MDN1: variants seen among roughly 807,000 people sequenced by gnomAD.
The protein encoded by MDN1 is midasin.
In MDN1, 266 loss-of-function variants were observed where a neutral mutation model predicts 669.2. That is an observed-to-expected ratio of 0.40 (90% CI 0.36 to 0.44). The LOEUF is 0.44. Ranked by LOEUF, MDN1 falls within the 20% of genes least tolerant of loss-of-function variation. The pLI, the probability that MDN1 is intolerant of heterozygous loss-of-function variation, is 1.00. For missense variants in MDN1, 5,940 were observed against 6,754.0 expected (o/e 0.88, Z 4.22); for synonymous variants, 2,385 against 2,457.1 (o/e 0.97, Z 0.87).
chr6:89,750,055 A>G (rs1306084606), intron 24 of MDN1, among the ~76,000 whole-genome samples: 2 of 152,132 alleles, frequency 1.3e-5, no homozygotes, highest in African/African-American at 2.4e-5. Flanking sequence ...ACTATTCCCA[A>G]CTTCCTTTTG....
intron 97 of MDN1, among the ~76,000 whole-genome samples, chr6:89,649,634 C>T (rs1808716418): frequency 6.6e-6 from 1 of 152,100 alleles, no homozygotes; most frequent in South Asian, 2.1e-4. Flanking sequence ...TAAGACTATG[C>T]AGTAATATCT....
chr6:89,670,701 T>C (rs1027067875), intron 83 of MDN1, among the ~76,000 whole-genome samples: 4 of 151,970 alleles, frequency 2.6e-5, no homozygotes, highest in Non-Finnish European at 4.4e-5. Flanking sequence ...AAAGGGTGGG[T>C]TGGGGATAGG....
chr6:89,816,953 C>T (rs1226760488), intron 1 of MDN1, among the ~76,000 whole-genome samples: 1 of 151,004 alleles, frequency 6.6e-6, no homozygotes, highest in African/African-American at 2.4e-5. Flanking sequence ...GGATTACAGG[C>T]GCGTGCCACT....
Position 89,668,012 on chromosome 6 carries a change from A to G in MDN1, c.14094+2T>C. On this transcript the variant is annotated splice_donor_variant, in intron 84 of 101. Transcript: ENST00000369393. LOFTEE classifies it high-confidence loss of function. ...CAACTGTATACCTATGTGAAAACGT[A>G]CCTGTTCTTCATTTCCGATCTGGTC... 1.2e-6 allele frequency: 2 copies of G among 1,614,044 alleles called. No individual in the cohort carries two copies. Among genetic ancestry groups the G allele is most frequent in the Non-Finnish European group, 8.5e-7 (1 of 1,179,964 alleles).
In MDN1 at chr6:89,745,726, C is replaced by T. The variant is rs184275674; in HGVS notation, c.3905-100G>A. 116 of 1,187,326 alleles carry T rather than the reference C, an allele frequency of 9.8e-5. 1 individual carries two copies. In the East Asian group the frequency reaches 2.3e-3, roughly 23 times the overall value. The allele number at this position is 1,187,326 out of a possible 1,614,324, so 73.5% of individuals were successfully genotyped here. On this transcript the variant is annotated intron_variant, in intron 27 of 101. Transcript: ENST00000369393. ...ATGAAACAATAGAAACTCTCATACG[C>T]GGCTGGTGAGGTAGAAATCTGAAGA...
chr6:89,762,272 GCCCAGCCCCATGCCCTCC>G, intron 16 of MDN1, 29 bp downstream of exon 16: 1 of 1,499,104 alleles, frequency 6.7e-7, no homozygotes, highest in Non-Finnish European at 9.2e-7. Context: ...GTTAACTAAA[GCCCAGCCCCATGCCCTCC>G]CCCATGGCAG....
At chr6:89,714,773 GA>G in intron 45 of MDN1, 22 bp from the exon 46 acceptor site, 1 of 1,591,464 alleles carries the variant, frequency 6.3e-7, no homozygotes, top group Non-Finnish European at 8.6e-7. Context: ...GCAATTCAAA[GA>G]AAAAAATGAT....
In MDN1 at chr6:89,768,360, C is replaced by G. The variant is rs372876838; in HGVS notation, c.2144+3201G>C. On this transcript the variant is annotated intron_variant, in intron 15 of 101. Transcript: ENST00000369393. ...TTAGATGGTTTTATAAAGGGGAGTT[C>G]CCTACACAAGCTCTCGACTGCCACC... Among the ~76,000 whole-genome samples, 10 of 152,270 alleles carry G rather than the reference C, an allele frequency of 6.6e-5. No homozygotes were observed. In the South Asian group the frequency reaches 1.2e-3, roughly 19 times the overall value.
chr6:89,730,133 G>C (rs565842606), intron 35 of MDN1, among the ~76,000 whole-genome samples: 1 of 152,084 alleles, frequency 6.6e-6, no homozygotes, highest in Admixed American at 6.5e-5. Flanking sequence ...TTAAATACTT[G>C]GTAGAGACAA....
Position 89,661,497 on chromosome 6 carries a change from C to T in MDN1, c.14647G>A (p.Asp4883Asn), listed in dbSNP as rs769329268. The change falls in exon 88 of 102, where the codon GAT becomes AAT. Residue 4883 changes from aspartate to asparagine, a missense_variant. Asp to Asn is a conservative substitution (Grantham distance 23). This residue lies in a region of MDN1 where 2,280 missense variants were observed against 2,576.3 expected (regional missense o/e 0.88). Transcript: ENST00000369393. ...VPEPEALDLP[D>N]DLNLDSEDKN... ...TCTTCACTGTCGAGGTTCAAGTCAT[C>T]TGGAAGGTCCAAAGCCTCGGGTTCT... 1 of 1,614,210 alleles carries T rather than the reference C, an allele frequency of 6.2e-7. No individual in the cohort carries two copies. Among genetic ancestry groups the T allele is most frequent in the Non-Finnish European group, 8.5e-7 (1 of 1,180,012 alleles).
At position 89,714,659 on chromosome 6, in the gene MDN1, G is replaced by C; in HGVS notation, c.6953C>G (p.Ala2318Gly). ...CAAATCCAGGTTGTCTGGGGTGCTTGCATCCCCTTCCCCTGAAATGTAGAT... is the reference window on the plus strand; with the variant it reads ...CAAATCCAGGTTGTCTGGGGTGCTTCCATCCCCTTCCCCTGAAATGTAGAT... The part of the protein sequence containing the change: ...LEIYISGEGD[A>G]STPDNLDLKV... The change falls in exon 46 of 102, where the codon GCA becomes GGA. Residue 2318 changes from alanine (A) to glycine (G), a missense_variant. Physicochemically the swap from Ala to Gly is moderately conservative, Grantham distance 60. Transcript: ENST00000369393. 1 of 1,614,008 alleles carries C rather than the reference G, an allele frequency of 6.2e-7. No individual in the cohort carries two copies. The highest frequency in any genetic ancestry group is 1.3e-5 in the African/African-American group (1 of 75,012).
Position 89,644,300 on chromosome 6 carries a change from T to C in MDN1, c.16603-107A>G, listed in dbSNP as rs1808337865. The C allele has an allele frequency of 4.6e-6, 4 of 869,486 alleles. No individual in the cohort carries two copies. The South Asian group carries it at 7.5e-5, about 16-fold the overall frequency. 53.9% of individuals were successfully genotyped at this position (869,486 alleles called of 1,614,324 possible). The stretch of plus-strand genomic sequence containing the variant: ...TAACTTTTACATCTCCTGTGTCTTA[T>C]TCCTGCATATGAACCTACCTTTTAT... On this transcript the variant is annotated intron_variant, in intron 101 of 101. Transcript: ENST00000369393.
intron 11 of MDN1, among the ~76,000 whole-genome samples, chr6:89,777,403 T>A (rs1294886267): frequency 6.6e-6 from 1 of 152,346 alleles, no homozygotes; most frequent in East Asian, 1.9e-4. Flanking sequence ...TCTTCACTCA[T>A]TCCTAGGCAT....
chr6:89,791,090 T>TG (rs2128326609), intron 5 of MDN1, among the ~76,000 whole-genome samples: 1 of 152,026 alleles, frequency 6.6e-6, no homozygotes, highest in East Asian at 1.9e-4. Context: ...CCATTTTTAT[T>TG]GGGGGTGAGG....
chr6:89,803,603 A>G, intron 1 of MDN1, 49 bp from the exon 2 acceptor site: 2 of 1,269,562 alleles, frequency 1.6e-6, no homozygotes, highest in Non-Finnish European at 2.2e-6. Context: ...TTTTTTTGAG[A>G]CACAGTCTCG....
At chr6:89,789,362 C>T (rs1278477786) in intron 7 of MDN1, among the ~76,000 whole-genome samples, 2 of 152,172 alleles carry the variant, frequency 1.3e-5, no homozygotes, top group African/African-American at 4.8e-5. Flanking sequence ...ATCATCTCCT[C>T]CTTCACCTGT....
intron 91 of MDN1, 126 bp from the exon 92 acceptor site, chr6:89,656,094 C>G (rs1395819316): frequency 9.2e-6 from 7 of 759,786 alleles, no homozygotes; most frequent in Non-Finnish European, 1.5e-5. Flanking sequence ...GAATGGAATT[C>G]AATACAGCTA....
intron 74 of MDN1, among the ~76,000 whole-genome samples, chr6:89,678,960 AAC>A (rs1233490909): frequency 6.6e-6 from 1 of 152,248 alleles, no homozygotes; most frequent in Non-Finnish European, 1.5e-5. Flanking sequence ...ATAGAAAAAT[AAC>A]ACACAGGATT....
At position 89,701,888 on chromosome 6, in the gene MDN1, T is replaced by A; in HGVS notation, c.8306+16A>T. On this transcript the variant is annotated intron_variant, in intron 54 of 101. Coordinates refer to ENST00000369393, the MANE Select transcript of MDN1 (RefSeq NM_014611.3). Reference sequence around the variant, plus strand: ...TCTGTAATCATTGACATTATTACTCTAAATATGAATCTTACTTGTCTTCAT... The same window carrying A: ...TCTGTAATCATTGACATTATTACTCAAAATATGAATCTTACTTGTCTTCAT... 1 of 1,604,532 alleles carries A rather than the reference T, an allele frequency of 6.2e-7. No homozygotes were observed. Among genetic ancestry groups the A allele is most frequent in the Non-Finnish European group, 8.5e-7 (1 of 1,176,588 alleles).
Sources: gnomAD v4.1 joint callset for allele counts (sites outside exome capture counted in the v4.1 genomes callset) on GRCh38, gnomAD v4.1.1 for gene constraint, gnomAD v4.1.1 regional missense constraint, MANE v1.5 for transcripts, NCBI Gene and HGNC (gene_info 2026-07-23, HGNC 2026-07-21) for gene names.